The following SBF2 variants were observed in gnomAD, a reference collection of about 807,000 sequenced individuals.
The protein encoded by SBF2 is myotubularin-related protein 13.
Under a neutral mutation model 225.2 loss-of-function variants are expected in SBF2, and 112 were observed. That is an observed-to-expected ratio of 0.50 (90% CI 0.43 to 0.58). The LOEUF (loss-of-function observed/expected upper bound fraction) is 0.58. SBF2 is among the 20% of genes least tolerant of loss of function. The pLI, the probability that SBF2 is intolerant of heterozygous loss-of-function variation, is 0.00. For missense variants in SBF2, 1,996 were observed against 2,206.2 expected, an observed-to-expected ratio of 0.90 and a Z score of 1.91; for synonymous variants, 763 against 773.3, an observed-to-expected ratio of 0.99 and a Z score of 0.22.
At chr11:10,093,289 A>G (rs1056414532) in intron 2 of SBF2, among the ~76,000 whole-genome samples, 5 of 151,872 alleles carry the variant, frequency 3.3e-5, no homozygotes, top group African/African-American at 4.8e-5. Flanking sequence ...TGCTGGGATT[A>G]TAGGTTTGAG....
intron 2 of SBF2, among the ~76,000 whole-genome samples, chr11:10,160,773 A>G (rs550273421): frequency 1.3e-5 from 2 of 152,226 alleles, no homozygotes; most frequent in East Asian, 1.9e-4. Context: ...GTATCTTTTC[A>G]TATCTGTACC....
Position 10,001,026 on chromosome 11 carries a change from G to A in SBF2, c.753-4C>T. ...GAGAATAGGGATATAAGGATAACTG[G>A]AAATAATAAAAATATGCGTCAAATA... On this transcript the variant is annotated splice_region_variant and splice_polypyrimidine_tract_variant and intron_variant, in intron 7 of 39. Coordinates refer to ENST00000256190, the MANE Select transcript of SBF2 (RefSeq NM_030962.4). 1 of 1,455,774 alleles carries A rather than the reference G, an allele frequency of 6.9e-7. No homozygotes were observed. The highest frequency in any genetic ancestry group is 9.7e-7 in the Non-Finnish European group (1 of 1,035,812). The allele number at this position is 1,455,774 out of a possible 1,614,324, so 90.2% of individuals were successfully genotyped here. A position where few individuals can be genotyped will look rare whatever the true frequency, so the allele number is the denominator to read the frequency against.
At chr11:10,036,683 A>T (rs2134658039) in intron 3 of SBF2, among the ~76,000 whole-genome samples, 1 of 152,332 alleles carries the variant, frequency 6.6e-6, no homozygotes, top group Admixed American at 6.5e-5. Flanking sequence ...AGTGGGATTA[A>T]CAAGCCAAGT....
At chr11:10,238,339 G>A (rs983553957) in intron 1 of SBF2, among the ~76,000 whole-genome samples, 1 of 151,990 alleles carries the variant, frequency 6.6e-6, no homozygotes, top group Non-Finnish European at 1.5e-5. Context: ...AGCCTGGGGT[G>A]GTTGAGGCTG....
chr11:9,896,153 T>C, intron 16 of SBF2, 142 bp from the exon 17 acceptor site: 2 of 701,062 alleles, frequency 2.9e-6, no homozygotes, highest in Admixed American at 4.2e-5. Context: ...ACGGAGGGGT[T>C]TGTACTCTTA....
Position 9,792,940 on chromosome 11 carries a change from T to TGTG in SBF2, c.4571-2258_4571-2257insCAC, listed in dbSNP as rs376631678. ...GCTAATTTGTGTGTGTGTGTGTGTGTTTTTTTTTTTTTTTTTTGTAGAGAT... is the reference window on the plus strand; with the variant it reads ...GCTAATTTGTGTGTGTGTGTGTGTGTGTGTTTTTTTTTTTTTTTTTGTAGAGAT... On this transcript the variant is annotated intron_variant, in intron 33 of 39. Coordinates refer to ENST00000256190, the MANE Select transcript of SBF2 (RefSeq NM_030962.4). Among the ~76,000 whole-genome samples the TGTG allele has an allele frequency of 5.3e-5, 3 of 56,532 alleles. No homozygotes were observed. The East Asian group carries it at 1.4e-3, about 26-fold the overall frequency. 37.1% of individuals were successfully genotyped at this position (56,532 alleles called of 152,430 possible).
chr11:9,851,143 A>AC (rs1349030013), intron 21 of SBF2, among the ~76,000 whole-genome samples: 1 of 149,476 alleles, frequency 6.7e-6, no homozygotes, highest in Non-Finnish European at 1.5e-5. Context: ...CTCAAAAAAA[A>AC]AAAAAACAAC....
At chr11:9,886,054 T>C (rs988440953) in intron 17 of SBF2, among the ~76,000 whole-genome samples, 2 of 152,190 alleles carry the variant, frequency 1.3e-5, no homozygotes, top group African/African-American at 2.4e-5. Context: ...TACAATCTTC[T>C]AAAAAGAAAA....
At chr11:10,173,200 C>T (rs973506809) in intron 2 of SBF2, among the ~76,000 whole-genome samples, 1 of 152,206 alleles carries the variant, frequency 6.6e-6, no homozygotes, top group African/African-American at 2.4e-5. Context: ...CAGCTCCCAG[C>T]GTGAGCGACG....
intron 16 of SBF2, among the ~76,000 whole-genome samples, chr11:9,922,960 AC>A (rs562233864): frequency 5.6e-4 from 85 of 152,262 alleles, no homozygotes; most frequent in Non-Finnish European, 8.4e-4. Context: ...CCACTAGGAA[AC>A]TTTCTCCTAC....
At chr11:9,850,549 T>C (rs554805410) in intron 21 of SBF2, among the ~76,000 whole-genome samples, 5 of 152,146 alleles carry the variant, frequency 3.3e-5, no homozygotes, top group African/African-American at 1.2e-4. Flanking sequence ...TGAGCCACCA[T>C]AGAAAAGTAT....
intron 1 of SBF2, among the ~76,000 whole-genome samples, chr11:10,256,604 C>T (rs1213284505): frequency 6.6e-6 from 1 of 152,198 alleles, no homozygotes; most frequent in Non-Finnish European, 1.5e-5. Flanking sequence ...ACTAAGAGCA[C>T]TGTTTGCCCA....
chr11:9,833,594 G>C (rs1855540933), intron 26 of SBF2, among the ~76,000 whole-genome samples: 1 of 151,250 alleles, frequency 6.6e-6, no homozygotes, highest in Non-Finnish European at 1.5e-5. Flanking sequence ...CTAATTTTTT[G>C]TATTTTCAAT....
At chr11:9,987,087 T>C (rs1389530616) in intron 13 of SBF2, among the ~76,000 whole-genome samples, 2 of 152,040 alleles carry the variant, frequency 1.3e-5, no homozygotes, top group African/African-American at 2.4e-5. Flanking sequence ...CATGATCAAG[T>C]GGGTTTCATA....
intron 1 of SBF2, among the ~76,000 whole-genome samples, chr11:10,239,277 C>G (rs1959177256): frequency 6.6e-6 from 1 of 150,634 alleles, no homozygotes; most frequent in Non-Finnish European, 1.5e-5. Context: ...AAATCATACA[C>G]AGCTTCTTCC....
At chr11:10,045,553 A>G (rs888227775) in intron 2 of SBF2, among the ~76,000 whole-genome samples, 5 of 152,222 alleles carry the variant, frequency 3.3e-5, no homozygotes, top group Non-Finnish European at 5.9e-5. Flanking sequence ...GAAGGGGCTC[A>G]CACAACCTGT....
intron 1 of SBF2, among the ~76,000 whole-genome samples, chr11:10,227,888 T>C (rs944908226): frequency 4.0e-5 from 6 of 151,510 alleles, no homozygotes; most frequent in Non-Finnish European, 5.9e-5. Flanking sequence ...GGGGATGGCA[T>C]TGAATCTGTA....
chr11:10,130,863 G>GT (rs1954010961), intron 2 of SBF2, among the ~76,000 whole-genome samples: 1 of 151,750 alleles, frequency 6.6e-6, no homozygotes, highest in African/African-American at 2.4e-5. Context: ...ATTTTTGAGG[G>GT]TATCAATAGT....
intron 26 of SBF2, chr11:9,838,662 G>C (rs575174741): frequency 6.6e-6 from 1 of 152,292 alleles, no homozygotes; most frequent in South Asian, 2.1e-4. Flanking sequence ...AGGGTTGAAA[G>C]TAACATTAAG....
Sources: gnomAD v4.1 joint callset for allele counts (sites outside exome capture counted in the v4.1 genomes callset) on GRCh38, gnomAD v4.1.1 for gene constraint, MANE v1.5 for transcripts, NCBI Gene and HGNC (gene_info 2026-07-23, HGNC 2026-07-21) for gene names.